Variants in PCBD2 observed in about 807,000 individuals in gnomAD.
PCBD2 encodes the protein pterin-4-alpha-carbinolamine dehydratase 2.
PCBD2 carries 12 observed loss-of-function variants against 16.4 expected under a neutral mutation model. That is an observed-to-expected ratio of 0.73 (90% CI 0.47 to 1.19). The LOEUF is 1.19. Ranked by LOEUF, PCBD2 falls within the 50% of genes most tolerant of loss-of-function variation. The pLI, the probability that PCBD2 is intolerant of heterozygous loss-of-function variation, is 0.00. For missense variants in PCBD2, 138 were observed against 156.8 expected (o/e 0.88, Z 0.64); for synonymous variants, 58 against 61.8 (o/e 0.94, Z 0.29).
chr5:134,926,362 G>A (rs1750996412), intron 2 of PCBD2: 1 of 378,626 alleles, frequency 2.6e-6, no homozygotes. Flanking sequence ...TACTTAATGG[G>A]GATATGAGTT....
Position 134,915,436 on chromosome 5 carries a change from A to ATT in PCBD2, c.216+4997_216+4998dup, listed in dbSNP as rs760173801. On this transcript the variant is annotated intron_variant, in intron 2 of 3. Coordinates refer to ENST00000254908, the MANE Select transcript of PCBD2 (RefSeq NM_032151.5). ...TCTATTAAAGCCTGATGGGCCTCTA[A>ATT]TTTTTTTTTTTTTTTTTTTTTTTTT... 1.3e-3 allele frequency among the ~76,000 whole-genome samples: 143 copies of ATT among 114,206 alleles called. 8 individuals are homozygous for ATT. The highest frequency in any genetic ancestry group is 1.8e-3 in the East Asian group (7 of 3,962). The allele number at this position is 114,206 out of a possible 152,430, so 74.9% of individuals were successfully genotyped here. A position where few individuals can be genotyped will look rare whatever the true frequency, so the allele number is the denominator to read the frequency against.
chr5:134,959,150 C>T, intron 3 of PCBD2, 30 bp downstream of exon 3: 1 of 1,504,388 alleles, frequency 6.6e-7, no homozygotes. Flanking sequence ...TGGGAATCAC[C>T]TTAATTATGG....
Position 134,961,796 on chromosome 5 carries a change from C to G in PCBD2, c.*1115C>G, listed in dbSNP as rs1751480454. ...GTTTTGTTTGAGACGGGGTCTCGCT[C>G]TGCTGCCCAGGCTGGAGTGCAGTGG... On this transcript the variant is annotated 3_prime_UTR_variant, in exon 4 of 4. Coordinates refer to ENST00000254908, the MANE Select transcript of PCBD2 (RefSeq NM_032151.5). Among the ~76,000 whole-genome samples, 1 of 151,154 alleles carries G rather than the reference C, an allele frequency of 6.6e-6. No homozygotes were observed. The highest frequency in any genetic ancestry group is 1.5e-5 in the Non-Finnish European group (1 of 67,688).
At chr5:134,947,974 A>G (rs1046356040) in intron 2 of PCBD2, among the ~76,000 whole-genome samples, 4 of 152,222 alleles carry the variant, frequency 2.6e-5, no homozygotes, top group African/African-American at 9.6e-5. Flanking sequence ...AACCTCCAAC[A>G]GGACTTTTCT....
rs77985415 is a variant in PCBD2 at position 134,923,846 on chromosome 5, A to G, written c.216+13380A>G. 1,631 of 393,926 alleles carry G rather than the reference A, an allele frequency of 4.1e-3. 21 individuals are homozygous for G. The highest frequency in any genetic ancestry group is 0.026 in the East Asian group (716 of 27,904). 24.4% of individuals were successfully genotyped at this position (393,926 alleles called of 1,614,324 possible). A position where few individuals can be genotyped will look rare whatever the true frequency, so the allele number is the denominator to read the frequency against. ...AGCCATAATTTACGTCTCGGGTGAT[A>G]TGGGCGATCGATGAGAAGGCGGTTG... On this transcript the variant is annotated intron_variant, in intron 2 of 3. Transcript: ENST00000254908.
intron 2 of PCBD2, among the ~76,000 whole-genome samples, chr5:134,936,226 A>G (rs994000516): frequency 6.6e-6 from 1 of 152,122 alleles, no homozygotes; most frequent in Admixed American, 6.5e-5. Flanking sequence ...CCTGTTTGTG[A>G]CCCTGGCTTG....
rs922285546 is a variant in PCBD2, at chr5:134,933,541, C to T, written c.216+23075C>T. Among the ~76,000 whole-genome samples the T allele has an allele frequency of 4.6e-5, 7 of 152,316 alleles. No individual in the cohort carries two copies. In the East Asian group the frequency reaches 1.3e-3, roughly 29 times the overall value. On this transcript the variant is annotated intron_variant, in intron 2 of 3. Transcript: ENST00000254908. ...ATGAGCCACTGCAGCTGGCTTACCA[C>T]ACGATTTTGAATGGTGGGAGATATA...
At chr5:134,925,173 G>C in intron 2 of PCBD2, 3 of 398,344 alleles carry the variant, frequency 7.5e-6, no homozygotes, top group Non-Finnish European at 1.3e-5. Flanking sequence ...CTGTTAGGGT[G>C]AGAAGAATTA....
Position 134,960,818 on chromosome 5 carries a change from G to A in PCBD2, c.*137G>A. The A allele has an allele frequency of 1.5e-6, 1 of 688,688 alleles. No homozygotes were observed. The highest frequency in any genetic ancestry group is 2.4e-6 in the Non-Finnish European group (1 of 414,778). 42.7% of individuals were successfully genotyped at this position (688,688 alleles called of 1,614,324 possible). A position where few individuals can be genotyped will look rare whatever the true frequency, so the allele number is the denominator to read the frequency against. ...GTGTTGCTCTGTCGCCCAGGCCAGAGTGCAGTGGTATGATCTCGGCTCACT... is the reference window on the plus strand; with the variant it reads ...GTGTTGCTCTGTCGCCCAGGCCAGAATGCAGTGGTATGATCTCGGCTCACT... On this transcript the variant is annotated 3_prime_UTR_variant, in exon 4 of 4. Transcript: ENST00000254908.
chr5:134,960,072 G>T (rs1019928905), intron 3 of PCBD2, among the ~76,000 whole-genome samples: 1 of 151,862 alleles, frequency 6.6e-6, no homozygotes, highest in Middle Eastern at 3.4e-3. Flanking sequence ...TAGATACGGG[G>T]TTTCACCATG....
At chr5:134,947,624 T>C (rs1306119208) in intron 2 of PCBD2, among the ~76,000 whole-genome samples, 1 of 151,884 alleles carries the variant, frequency 6.6e-6, no homozygotes, top group Non-Finnish European at 1.5e-5. Flanking sequence ...CCTGACCTTA[T>C]GATCCACCCG....
At chr5:134,928,759 C>G (rs140663481) in intron 2 of PCBD2, among the ~76,000 whole-genome samples, 3 of 152,104 alleles carry the variant, frequency 2.0e-5, no homozygotes, top group Non-Finnish European at 4.4e-5. Flanking sequence ...GGTGTAAACC[C>G]GGGAGGCAGA....
At chr5:134,926,565 G>A (rs1242531722) in intron 2 of PCBD2, 1 of 395,828 alleles carries the variant, frequency 2.5e-6, no homozygotes, top group Non-Finnish European at 4.5e-6. Flanking sequence ...GGGGATATGA[G>A]TTAGCAGTTC....
chr5:134,908,548 A>C (rs1163577785), intron 1 of PCBD2, among the ~76,000 whole-genome samples: 3 of 151,632 alleles, frequency 2.0e-5, no homozygotes, highest in Non-Finnish European at 4.4e-5. Flanking sequence ...ACCTGTAATC[A>C]CAGCTACTCA....
intron 1 of PCBD2, chr5:134,909,031 G>A (rs1442913724): frequency 6.6e-6 from 1 of 152,238 alleles, no homozygotes; most frequent in Non-Finnish European, 1.5e-5. Context: ...CCTGGAATGA[G>A]AACCCTGCTT....
At chr5:134,939,798 G>A (rs1310109628) in intron 2 of PCBD2, among the ~76,000 whole-genome samples, 2 of 152,010 alleles carry the variant, frequency 1.3e-5, no homozygotes, top group African/African-American at 2.4e-5. Context: ...AGACACTTCC[G>A]AGGTCCCAAA....
At chr5:134,930,211 A>C (rs1032680154) in intron 2 of PCBD2, among the ~76,000 whole-genome samples, 6 of 152,140 alleles carry the variant, frequency 3.9e-5, no homozygotes, top group African/African-American at 7.2e-5. Context: ...GCTAAGGTAT[A>C]AGCAGCTTGA....
intron 2 of PCBD2, among the ~76,000 whole-genome samples, chr5:134,920,501 C>G (rs943858622): frequency 6.6e-6 from 1 of 152,224 alleles, no homozygotes; most frequent in Non-Finnish European, 1.5e-5. Context: ...CCAGCTGAAA[C>G]AAACAAAGCT....
At chr5:134,944,622 A>T (rs1561913722) in intron 2 of PCBD2, among the ~76,000 whole-genome samples, 1 of 152,102 alleles carries the variant, frequency 6.6e-6, no homozygotes, top group Non-Finnish European at 1.5e-5. Context: ...GGATGAATCC[A>T]TATTTGCTTT....
Sources: allele counts gnomAD v4.1 joint callset (sites outside exome capture counted in the v4.1 genomes callset), GRCh38; gene constraint gnomAD v4.1.1; transcripts MANE v1.5; gene names NCBI Gene and HGNC (gene_info 2026-07-23, HGNC 2026-07-21).